Variants in GTF3C1 observed in about 807,000 individuals in gnomAD.
The protein encoded by GTF3C1 is general transcription factor IIIC subunit 1.
GTF3C1 carries 57 observed loss-of-function variants against 226.7 expected under a neutral mutation model. The ratio of observed to expected loss-of-function variants is 0.25; its 90% CI spans 0.20 to 0.31. The LOEUF is 0.31. GTF3C1 is among the 10% of genes least tolerant of loss of function. The pLI, the probability that GTF3C1 is intolerant of heterozygous loss-of-function variation, is 1.00. For synonymous variants in GTF3C1, 1,090 were observed against 1,084.8 expected (o/e 1.00, Z -0.09); for missense variants, 2,217 against 2,776.1 (o/e 0.80, Z 4.53).
chr16:27,496,741 T>C (rs1040551427), intron 14 of GTF3C1, among the ~76,000 whole-genome samples: 2 of 152,206 alleles, frequency 1.3e-5, no homozygotes, highest in African/African-American at 2.4e-5. Flanking sequence ...TCTTTGTTGA[T>C]ACAAATGCGC....
At chr16:27,486,682 C>G (rs2088144953) in intron 23 of GTF3C1, among the ~76,000 whole-genome samples, 1 of 152,250 alleles carries the variant, frequency 6.6e-6, no homozygotes, top group African/African-American at 2.4e-5. Flanking sequence ...ATCCAGCACA[C>G]AGTGGTGGCT....
At chr16:27,490,563 T>C (rs2088217906) in intron 19 of GTF3C1, among the ~76,000 whole-genome samples, 1 of 152,118 alleles carries the variant, frequency 6.6e-6, no homozygotes, top group East Asian at 1.9e-4. Context: ...AGAAATAAAC[T>C]GAGATTCAGG....
intron 32 of GTF3C1, among the ~76,000 whole-genome samples, chr16:27,466,730 A>T (rs2087792135): frequency 6.6e-6 from 1 of 152,256 alleles, no homozygotes; most frequent in Admixed American, 6.5e-5. Flanking sequence ...GAAGGAAATT[A>T]AAAGTGCTAC....
At chr16:27,505,567 A>G (rs2088471552) in intron 10 of GTF3C1, among the ~76,000 whole-genome samples, 1 of 152,238 alleles carries the variant, frequency 6.6e-6, no homozygotes, top group South Asian at 2.1e-4. Context: ...TCCAATGAAC[A>G]GAAAAGGGGT....
At chr16:27,500,229 G>A (rs2141392737) in intron 12 of GTF3C1, among the ~76,000 whole-genome samples, 1 of 152,272 alleles carries the variant, frequency 6.6e-6, no homozygotes, top group Admixed American at 6.5e-5. Flanking sequence ...CCTTCTCTGA[G>A]GGAGGTCAGC....
rs771912847 is a variant in GTF3C1 at position 27,538,371 on chromosome 16, C to T, written c.432-15G>A. ...TCTTCCCCCACCTGCAAATCGGAAA[C>T]AATCGCATGAAGAAATAAGTTTAAC... On this transcript the variant is annotated splice_polypyrimidine_tract_variant and intron_variant, in intron 2 of 36. Coordinates refer to ENST00000356183, the MANE Select transcript of GTF3C1 (RefSeq NM_001520.4). 9.4e-6 allele frequency: 14 copies of T among 1,494,610 alleles called. No individual in the cohort carries two copies. The highest frequency in any genetic ancestry group is 1.4e-5 in the African/African-American group (1 of 70,786). 92.6% of individuals were successfully genotyped at this position (1,494,610 alleles called of 1,614,324 possible).
intron 4 of GTF3C1, among the ~76,000 whole-genome samples, chr16:27,535,212 A>T (rs1019184169): frequency 6.6e-6 from 1 of 152,228 alleles, no homozygotes; most frequent in Admixed American, 6.5e-5. Context: ...ACTACTGTTA[A>T]TAACTTCGTA....
rs2088501058 is a variant in GTF3C1 at position 27,507,308 on chromosome 16, C to T, written c.1243-152G>A. The T allele has an allele frequency of 1.6e-6, 1 of 610,088 alleles. No individual in the cohort carries two copies. The highest frequency in any genetic ancestry group is 2.9e-6 in the Non-Finnish European group (1 of 347,400). 37.8% of individuals were successfully genotyped at this position (610,088 alleles called of 1,614,324 possible). The stretch of plus-strand genomic sequence containing the variant: ...CTGGGTTGGGCACCACTGATGCTCC[C>T]TCCAGGCTCTTCCTCTCTGTAATCC... On this transcript the variant is annotated intron_variant, in intron 8 of 36. Transcript: ENST00000356183. The surrounding 1 kb of genome is among the most constrained non-coding windows in gnomAD (Gnocchi z 4.9).
chr16:27,549,359 C>G (rs1434713291), intron 1 of GTF3C1, among the ~76,000 whole-genome samples: 2 of 152,188 alleles, frequency 1.3e-5, no homozygotes, highest in Non-Finnish European at 2.9e-5. Context: ...ATCCTATCCT[C>G]CAATGTAAAG....
At chr16:27,489,235 A>C (rs1050660269) in intron 20 of GTF3C1, 57 bp from the exon 21 acceptor site, 1 of 1,587,356 alleles carries the variant, frequency 6.3e-7, no homozygotes, top group African/African-American at 1.3e-5. Context: ...CGAAAAAGAG[A>C]GCCCATGGCA....
chr16:27,471,861 G>A lies in GTF3C1; in HGVS notation c.4413C>T (p.Cys1471=), dbSNP rs754570669. 8 of 1,613,768 alleles carry A rather than the reference G, an allele frequency of 5.0e-6. 1 individual carries two copies. The African/African-American group carries it at 8.0e-5, about 16-fold the overall frequency. Residue 1471 remains cysteine (C), a synonymous_variant, in exon 30 of 37, where the codon TGC becomes TGT. Transcript: ENST00000356183. The surrounding 1 kb of genome is among the most constrained non-coding windows in gnomAD (Gnocchi z 5.0). ...GCCGGTTGACCAAGCTCCTCTTCTGGCACTCCATGAAGGCCTTCACAAGAA... is the reference window on the plus strand; with the variant it reads ...GCCGGTTGACCAAGCTCCTCTTCTGACACTCCATGAAGGCCTTCACAAGAA... ...DHVLVKAFME[C]QKRSLVNRRR...
chr16:27,488,331 C>T lies in GTF3C1; in HGVS notation c.3596G>A (p.Arg1199Gln), dbSNP rs187553550. 5.9e-5 allele frequency: 96 copies of T among 1,614,078 alleles called. No homozygotes were observed. In the Admixed American group the frequency reaches 1.0e-3, roughly 17 times the overall value. ...AGWEEQFEVD[R>Q]EPSLDRNRRV... is the part of the protein sequence containing the mutation. Reference sequence around the variant, plus strand: ...CCGGTTTCGGTCCAGCGAGGGCTCTCGGTCCACCTCAAACTGCTCTTCCCA... The same window carrying T: ...CCGGTTTCGGTCCAGCGAGGGCTCTTGGTCCACCTCAAACTGCTCTTCCCA... The change falls in exon 23 of 37, where the codon CGA becomes CAA. Residue 1199 changes from arginine to glutamine, a missense_variant. Arg to Gln is a conservative substitution (Grantham distance 43). Coordinates refer to ENST00000356183, the MANE Select transcript of GTF3C1 (RefSeq NM_001520.4).
At chr16:27,518,335 C>T (rs961188054) in intron 6 of GTF3C1, among the ~76,000 whole-genome samples, 3 of 152,220 alleles carry the variant, frequency 2.0e-5, no homozygotes, top group African/African-American at 7.2e-5. Flanking sequence ...GTCAGTCTGT[C>T]TGGTGTTAGC....
intron 29 of GTF3C1, 59 bp downstream of exon 29, chr16:27,476,392 C>G: frequency 9.1e-7 from 1 of 1,097,688 alleles, no homozygotes; most frequent in Non-Finnish European, 1.4e-6. Context: ...CAGCACCTCA[C>G]GAGCCTGGCC....
intron 6 of GTF3C1, among the ~76,000 whole-genome samples, chr16:27,520,640 C>T (rs1392323884): frequency 2.6e-5 from 4 of 152,298 alleles, no homozygotes; most frequent in South Asian, 2.1e-4. Flanking sequence ...ATTATATAAA[C>T]GCTCTTGGTA....
chr16:27,488,031 A>G (rs2088169507), intron 23 of GTF3C1, among the ~76,000 whole-genome samples, 196 bp downstream of exon 23: 2 of 152,186 alleles, frequency 1.3e-5, no homozygotes, highest in African/African-American at 4.8e-5. Flanking sequence ...AGCATACGGG[A>G]TATTCGAGTC....
intron 6 of GTF3C1, among the ~76,000 whole-genome samples, chr16:27,512,691 T>A (rs2088593452): frequency 6.6e-6 from 1 of 152,228 alleles, no homozygotes; most frequent in Admixed American, 6.5e-5. Context: ...AACAAACTTG[T>A]GCCTACGGCT....
intron 5 of GTF3C1, 35 bp from the exon 6 acceptor site, chr16:27,528,756 A>T: frequency 6.2e-7 from 1 of 1,600,544 alleles, no homozygotes; most frequent in Non-Finnish European, 8.6e-7. Flanking sequence ...ACTATTAGAC[A>T]CAGCAAGATG....
At chr16:27,542,340 C>CT (rs2089097252) in intron 2 of GTF3C1, among the ~76,000 whole-genome samples, 2 of 152,168 alleles carry the variant, frequency 1.3e-5, no homozygotes, top group African/African-American at 4.8e-5. Context: ...GTAGGCAGAT[C>CT]ACCTGAGGTC....
Sources: gnomAD v4.1 joint callset for allele counts (sites outside exome capture counted in the v4.1 genomes callset) on GRCh38, gnomAD v4.1.1 for gene constraint, Gnocchi (gnomAD v3.1) non-coding constraint, MANE v1.5 for transcripts, NCBI Gene and HGNC (gene_info 2026-07-23, HGNC 2026-07-21) for gene names.